The following ZNF676 variants were observed in gnomAD, a reference collection of about 807,000 sequenced individuals.
The protein encoded by ZNF676 is zinc finger protein 676.
Under a neutral mutation model 6.0 loss-of-function variants are expected in ZNF676, and 4 were observed. That is an observed-to-expected ratio of 0.67 (90% CI 0.33 to 1.53). ZNF676 has a LOEUF of 1.53. Among genes scored for constraint, ZNF676 ranks in the 40% most tolerant of loss-of-function variants. ZNF676 has a pLI of 0.06. For synonymous variants in ZNF676, 198 were observed against 223.1 expected (o/e 0.89, Z 1.00); for missense variants, 644 against 679.7 (o/e 0.95, Z 0.58).
upstream of ZNF676, among the ~76,000 whole-genome samples, chr19:22,201,317 A>T (rs116254590): frequency 2.6e-3 from 399 of 152,274 alleles, 1 homozygote; most frequent in African/African-American, 8.7e-3. Context: ...TGAAGATGTG[A>T]AAGGTCAAAA....
chr19:22,186,005 C>T (rs2145794747), intron 2 of ZNF676, among the ~76,000 whole-genome samples: 1 of 152,238 alleles, frequency 6.6e-6, no homozygotes, highest in South Asian at 2.1e-4. Flanking sequence ...GACAGGCCAA[C>T]ATTCAAATTC....
chr19:22,222,970 T>C, the ZNF676 span, among the ~76,000 whole-genome samples: 1 of 152,194 alleles, frequency 6.6e-6, no homozygotes, highest in African/African-American at 2.4e-5. Flanking sequence ...CCCAGGTCAC[T>C]GTGTGGGATT....
At chr19:22,207,134 A>T (rs1487848217) in intron 1 of ZNF676, among the ~76,000 whole-genome samples, 15 of 152,252 alleles carry the variant, frequency 9.9e-5, no homozygotes, top group South Asian at 4.1e-4. Flanking sequence ...CATCCAAACA[A>T]AAAGAGAGGA....
the ZNF676 span, among the ~76,000 whole-genome samples, chr19:22,260,139 C>T: frequency 6.6e-6 from 1 of 152,172 alleles, no homozygotes; most frequent in Admixed American, 6.6e-5. Flanking sequence ...GCCAGATTCC[C>T]CAAAGTCAGA....
chr19:22,216,600 T>A (rs1248282253), upstream of ZNF676, among the ~76,000 whole-genome samples: 1 of 143,928 alleles, frequency 6.9e-6, no homozygotes, highest in Admixed American at 7.2e-5. Context: ...ACTTTTTCTA[T>A]TTTATTTTAA....
At chr19:22,230,893 C>T in the ZNF676 span, among the ~76,000 whole-genome samples, 2 of 151,692 alleles carry the variant, frequency 1.3e-5, no homozygotes, top group Non-Finnish European at 2.9e-5. Flanking sequence ...CTCCTAACCT[C>T]CTGATCTGCC....
At chr19:22,216,217 C>T (rs1326041552), upstream of ZNF676, among the ~76,000 whole-genome samples, 3 of 152,080 alleles carry the variant, frequency 2.0e-5, no homozygotes, top group Admixed American at 2.0e-4. Flanking sequence ...GGTGGATCAC[C>T]GGAGGTCAGA....
rs2023967635 is a variant in ZNF676, at chr19:22,196,449, A to G, written c.34+151T>C. ...AAGCTCAGGACCCTTGTTCACCAGA[A>G]GCAAGGAGTCCACGACCCCTTCTTC... On this transcript the variant is annotated intron_variant, in intron 1 of 2. Coordinates refer to ENST00000397121, the MANE Select transcript of ZNF676 (RefSeq NM_001001411.3). 4.9e-6 allele frequency: 7 copies of G among 1,426,236 alleles called. No individual in the cohort carries two copies. In the East Asian group the frequency reaches 9.3e-5, roughly 19 times the overall value. The allele number at this position is 1,426,236 out of a possible 1,614,324, so 88.3% of individuals were successfully genotyped here.
At chr19:22,227,406 C>G in the ZNF676 span, among the ~76,000 whole-genome samples, 5 of 152,130 alleles carry the variant, frequency 3.3e-5, no homozygotes, top group African/African-American at 1.2e-4. Context: ...CAAGAGAAAG[C>G]AGGAAAGGTC....
the ZNF676 span, among the ~76,000 whole-genome samples, chr19:22,230,955 G>A: frequency 1.0e-4 from 15 of 148,478 alleles, no homozygotes; most frequent in Admixed American, 1.0e-3. Context: ...ACTGTGCCTG[G>A]CCAAAAAAAA....
rs4932964 is a variant in ZNF676 at position 22,215,579 on chromosome 19, G to T, written c.3+53C>A. 8 of 1,601,096 alleles carry T rather than the reference G, an allele frequency of 5.0e-6. No homozygotes were observed. In the Admixed American group the frequency reaches 1.3e-4, roughly 27 times the overall value. On this transcript the variant is annotated intron_variant, in intron 1 of 3. Coordinates refer to the ZNF676 transcript ENST00000650058. ...AGTCCCGCCACAGCCACTTCCCGCC[G>T]GTTCCAACCAGCCCAGGCCACTCTC...
the ZNF676 span, among the ~76,000 whole-genome samples, chr19:22,240,618 G>T: frequency 6.6e-6 from 1 of 151,908 alleles, no homozygotes; most frequent in South Asian, 2.1e-4. Context: ...ACAAGGTGAA[G>T]CCCCATCTCT....
Position 22,180,702 on chromosome 19 carries a change from A to G in ZNF676, c.1015T>C (p.Cys339Arg), listed in dbSNP as rs1294065152. ...TTAAAAGCTTTCCCGCATTCTTCAC[A>G]TTTGTAGGGTTTCTCTCCAGCATGA... ...RIHAGEKPYK[C>R]EECGKAFNRS... The change falls in exon 3 of 3, where the codon TGT becomes CGT. Residue 339 changes from cysteine to arginine, a missense_variant. Physicochemically the swap from Cys to Arg is radical, Grantham distance 180. Transcript: ENST00000397121. 1.2e-6 allele frequency: 2 copies of G among 1,611,330 alleles called. No individual in the cohort carries two copies. Among genetic ancestry groups the G allele is most frequent in the Admixed American group, 1.7e-5 (1 of 59,808 alleles).
At chr19:22,239,197 ATT>A in the ZNF676 span, among the ~76,000 whole-genome samples, 2,710 of 129,912 alleles carry the variant, frequency 0.021, 54 homozygotes, top group African/African-American at 0.08. Context: ...CCAACTGTGA[ATT>A]TTTTTTTTTT....
upstream of ZNF676, among the ~76,000 whole-genome samples, chr19:22,197,527 G>C (rs1248258345): frequency 1.3e-5 from 2 of 151,708 alleles, no homozygotes; most frequent in East Asian, 3.9e-4. Context: ...AAGCTCATCA[G>C]TATGCCAATG....
the ZNF676 span, among the ~76,000 whole-genome samples, chr19:22,224,320 CTGTT>C: frequency 6.6e-6 from 1 of 151,674 alleles, no homozygotes; most frequent in African/African-American, 2.4e-5. Flanking sequence ...ATTTGCAATT[CTGTT>C]TGTACACTTT....
the ZNF676 span, among the ~76,000 whole-genome samples, chr19:22,242,897 A>G: frequency 6.0e-3 from 908 of 151,982 alleles, 26 homozygotes; most frequent in African/African-American, 0.018. Context: ...TGAGCTAAAC[A>G]ATGCATCACA....
At chr19:22,253,370 G>GTATA in the ZNF676 span, among the ~76,000 whole-genome samples, 8 of 60,100 alleles carry the variant, frequency 1.3e-4, no homozygotes, top group African/African-American at 1.8e-4. Context: ...GTGTGTGTGT[G>GTATA]TGTATATATA....
At chr19:22,208,770 C>T (rs538649470) in intron 1 of ZNF676, among the ~76,000 whole-genome samples, 2 of 152,064 alleles carry the variant, frequency 1.3e-5, no homozygotes, top group South Asian at 4.2e-4. Context: ...ATGGCAAAAT[C>T]CCATCTATTA....
Sources: allele counts gnomAD v4.1 joint callset (sites outside exome capture counted in the v4.1 genomes callset), GRCh38; gene constraint gnomAD v4.1.1; transcripts MANE v1.5; gene names NCBI Gene and HGNC (gene_info 2026-07-23, HGNC 2026-07-21).